The following BZW2 variants were observed in gnomAD, a reference collection of about 807,000 sequenced individuals.
BZW2 encodes the protein eIF5-mimic protein 1.
Under a neutral mutation model 53.2 loss-of-function variants are expected in BZW2, and 23 were observed. The observed-to-expected ratio is 0.43, with a 90% CI of 0.31 to 0.61. The LOEUF (loss-of-function observed/expected upper bound fraction) is 0.61. Ranked by LOEUF, BZW2 falls within the 20% of genes least tolerant of loss-of-function variation. The pLI, the probability that BZW2 is intolerant of heterozygous loss-of-function variation, is 0.09. For missense variants in BZW2, 409 were observed against 503.1 expected (o/e 0.81, Z 1.79); for synonymous variants, 227 against 186.4 (o/e 1.22, Z -1.77).
chr7:16,689,920 G>A lies in BZW2; in HGVS notation c.651+14G>A, dbSNP rs1233579684. 1 of 1,598,214 alleles carries A rather than the reference G, an allele frequency of 6.3e-7. No homozygotes were observed. The highest frequency in any genetic ancestry group is 1.1e-5 in the South Asian group (1 of 89,360). ...AAGAGGCTGCTTGTAAGTGTTTTCT[G>A]GTTAAAGAGTTGTATGTATGATGCC... On this transcript the variant is annotated intron_variant, in intron 7 of 11. Coordinates refer to ENST00000258761, the MANE Select transcript of BZW2 (RefSeq NM_014038.3).
intron 1 of BZW2, among the ~76,000 whole-genome samples, chr7:16,653,032 CTT>C (rs761038625): frequency 2.0e-5 from 2 of 99,070 alleles, no homozygotes; most frequent in Admixed American, 9.9e-5. Flanking sequence ...TGGAAAGTAA[CTT>C]TGTGTGTGTG....
At chr7:16,701,690 A>T (rs1783672665) in intron 10 of BZW2, among the ~76,000 whole-genome samples, 1 of 152,200 alleles carries the variant, frequency 6.6e-6, no homozygotes, top group Non-Finnish European at 1.5e-5. Flanking sequence ...CAAATTGAGA[A>T]ATATTTATTT....
At chr7:16,666,646 CTATT>C (rs1330672380) in intron 2 of BZW2, among the ~76,000 whole-genome samples, 8 of 151,862 alleles carry the variant, frequency 5.3e-5, no homozygotes, top group African/African-American at 7.3e-5. Flanking sequence ...TGTGATCCGC[CTATT>C]TATTTATTAT....
At chr7:16,703,470 A>T (rs1466243471) in intron 10 of BZW2, among the ~76,000 whole-genome samples, 2 of 152,226 alleles carry the variant, frequency 1.3e-5, no homozygotes, top group African/African-American at 4.8e-5. Context: ...TGAAAACAAT[A>T]TTAAATTGTT....
At chr7:16,668,188 G>A (rs77966925) in intron 2 of BZW2, among the ~76,000 whole-genome samples, 1 of 152,120 alleles carries the variant, frequency 6.6e-6, no homozygotes, top group Admixed American at 6.5e-5. Context: ...TTAGTGTGAC[G>A]CTAATTCACT....
chr7:16,666,439 C>T (rs1372246607), intron 2 of BZW2, among the ~76,000 whole-genome samples: 11 of 127,124 alleles, frequency 8.7e-5, no homozygotes, highest in Admixed American at 6.9e-4. Flanking sequence ...AGTCTTGCTC[C>T]GTCGTCAGGC....
At chr7:16,677,640 C>T (rs923350654) in intron 3 of BZW2, among the ~76,000 whole-genome samples, 46 of 151,998 alleles carry the variant, frequency 3.0e-4, no homozygotes, top group African/African-American at 1.1e-3. Context: ...TTTACAGCTT[C>T]GATTCTGGAA....
Position 16,706,060 on chromosome 7 carries a change from A to C in BZW2, c.1232A>C (p.Glu411Ala). The change falls in exon 12 of 12, where the codon GAA becomes GCA. Residue 411 changes from glutamate to alanine, a missense_variant and splice_region_variant. This residue lies in a region of BZW2 where 88 missense variants were observed against 114.6 expected (regional missense o/e 0.77). Coordinates refer to ENST00000258761, the MANE Select transcript of BZW2 (RefSeq NM_014038.3). ...FVEWLQNAEE[E>A]SESEGEEN is the part of the protein sequence containing the mutation. ...ATCTCACTTCTTTCTTCTCTCCTAG[A>C]ATCCGAATCGGAAGGTGAGGAAAAT... is the stretch of plus-strand genomic sequence containing the variant. The C allele has an allele frequency of 2.5e-6, 4 of 1,613,806 alleles. No homozygotes were observed. Among genetic ancestry groups the C allele is most frequent in the Non-Finnish European group, 3.4e-6 (4 of 1,179,856 alleles).
chr7:16,691,720 T>C (rs1227312034), intron 7 of BZW2, among the ~76,000 whole-genome samples: 2 of 152,218 alleles, frequency 1.3e-5, no homozygotes, highest in East Asian at 1.9e-4. Flanking sequence ...AGGTGTATGA[T>C]TGGGAACAAA....
intron 11 of BZW2, among the ~76,000 whole-genome samples, chr7:16,705,678 C>T (rs1217693648): frequency 7.3e-6 from 1 of 136,778 alleles, no homozygotes; most frequent in Non-Finnish European, 1.5e-5. Flanking sequence ...GAGTGAGACT[C>T]CATCTCAAAA....
chr7:16,685,771 G>A, intron 5 of BZW2, 134 bp from the exon 6 acceptor site: 1 of 1,121,922 alleles, frequency 8.9e-7, no homozygotes, highest in South Asian at 1.8e-5. Context: ...CTTTGCATAT[G>A]ACCTTCTGTT....
In BZW2 at chr7:16,674,428, C is replaced by T. The variant is rs757585264; in HGVS notation, c.75C>T (p.Phe25=). The change falls in exon 3 of 12, where the codon TTC becomes TTT. Residue 25 remains phenylalanine (F), a synonymous_variant. Coordinates refer to ENST00000258761, the MANE Select transcript of BZW2 (RefSeq NM_014038.3). ...TTATTTTAGATGAAAAAGAGAAATT[C>T]GAACCCACAGTCTTCAGGGATACAC... The part of the protein sequence containing the change: ...KTRKRDEKEK[F]EPTVFRDTLV... The T allele has an allele frequency of 1.8e-5, 29 of 1,579,846 alleles. No individual in the cohort carries two copies. Among genetic ancestry groups the T allele is most frequent in the Admixed American group, 9.5e-5 (5 of 52,614 alleles).
intron 7 of BZW2, 73 bp from the exon 8 acceptor site, chr7:16,694,761 G>T: frequency 8.2e-7 from 1 of 1,220,602 alleles, no homozygotes; most frequent in Admixed American, 2.4e-5. Flanking sequence ...TAAGTGAAAT[G>T]AAGACTTTTG....
intron 1 of BZW2, among the ~76,000 whole-genome samples, chr7:16,656,661 T>C (rs1782133754): frequency 6.6e-6 from 1 of 152,030 alleles, no homozygotes; most frequent in Admixed American, 6.6e-5. Flanking sequence ...TGTTGCAAAA[T>C]GGTGATTTTC....
At chr7:16,674,221 A>G (rs1047455584) in intron 2 of BZW2, among the ~76,000 whole-genome samples, 191 bp from the exon 3 acceptor site, 1 of 152,158 alleles carries the variant, frequency 6.6e-6, no homozygotes, top group African/African-American at 2.4e-5. Context: ...ATTTTAAAAG[A>G]GACATCCCTT....
chr7:16,682,427 A>G (rs1031370076), intron 4 of BZW2, among the ~76,000 whole-genome samples: 3 of 152,124 alleles, frequency 2.0e-5, no homozygotes, highest in African/African-American at 7.2e-5. Flanking sequence ...TCTCCTCCCC[A>G]TCACATCGTT....
At chr7:16,648,205 A>G (rs1781914474) in intron 1 of BZW2, among the ~76,000 whole-genome samples, 1 of 152,262 alleles carries the variant, frequency 6.6e-6, no homozygotes, top group Non-Finnish European at 1.5e-5. Context: ...TAATGAGCAT[A>G]TTAAAACAGA....
At chr7:16,657,646 A>G (rs183260240) in intron 1 of BZW2, among the ~76,000 whole-genome samples, 10 of 152,260 alleles carry the variant, frequency 6.6e-5, no homozygotes, top group Middle Eastern at 6.8e-3. Flanking sequence ...TTCTAACTGT[A>G]CTTTTGGTTT....
intron 1 of BZW2, among the ~76,000 whole-genome samples, chr7:16,649,972 T>C (rs1273650075): frequency 2.6e-5 from 4 of 152,210 alleles, no homozygotes; most frequent in African/African-American, 9.6e-5. Flanking sequence ...ATGAAGTTTT[T>C]AAAAAGAAAA....
Sources: allele counts gnomAD v4.1 joint callset (sites outside exome capture counted in the v4.1 genomes callset), GRCh38; gene constraint gnomAD v4.1.1; regional missense constraint gnomAD v4.1.1; transcripts MANE v1.5; gene names NCBI Gene and HGNC (gene_info 2026-07-23, HGNC 2026-07-21).